CCDC30: variants seen among roughly 807,000 people sequenced by gnomAD.
CCDC30 encodes coiled-coil domain containing 30.
A neutral mutation model predicts 100.2 loss-of-function variants in CCDC30; 70 were observed. That is an observed-to-expected ratio of 0.70 (90% CI 0.58 to 0.85). CCDC30 has a LOEUF of 0.85. Ranked by LOEUF, CCDC30 falls within the 40% of genes least tolerant of loss-of-function variation. The pLI is 0.00. For synonymous variants in CCDC30, 233 were observed against 269.5 expected (o/e 0.86, Z 1.33); for missense variants, 652 against 771.2 (o/e 0.85, Z 1.83).
At chr1:42,566,501 T>A in intron 7 of CCDC30, 26 bp downstream of exon 11, 1 of 1,593,916 alleles carries the variant, frequency 6.3e-7, no homozygotes, top group Admixed American at 1.7e-5. Flanking sequence ...AAATGCTTTA[T>A]GGAAGGGTTT....
chr1:42,592,574 G>A (rs920908087), intron 10 of CCDC30: 2 of 152,112 alleles, frequency 1.3e-5, no homozygotes, highest in African/African-American at 4.8e-5. Context: ...TTAATTGGAT[G>A]TGTTGGCATA....
chr1:42,456,653 C>T, the CCDC30 span: 9 of 1,596,074 alleles, frequency 5.6e-6, no homozygotes, highest in Non-Finnish European at 7.7e-6. Flanking sequence ...CGCGGCCAGG[C>T]TGGGCGCGCA....
At chr1:42,492,391 G>A in intron 4 of CCDC30, 1 of 198,082 alleles carries the variant, frequency 5.0e-6, no homozygotes. Flanking sequence ...AGTTTGATTT[G>A]GGAAAATTCA....
intron 10 of CCDC30, among the ~76,000 whole-genome samples, chr1:42,608,623 T>C (rs1187118348): frequency 2.1e-5 from 3 of 145,010 alleles, no homozygotes; most frequent in Non-Finnish European, 3.0e-5. Context: ...GAGAATGGCG[T>C]GAACCCGGGA....
chr1:42,624,626 TA>T (rs1646899213), intron 11 of CCDC30, among the ~76,000 whole-genome samples: 1 of 152,156 alleles, frequency 6.6e-6, no homozygotes, highest in Non-Finnish European at 1.5e-5. Flanking sequence ...ACCACAGGCA[TA>T]CCCCATGATG....
exon 7 of CCDC30, chr1:42,566,463 A>G (rs1181024353): frequency 1.2e-6 from 2 of 1,613,472 alleles, no homozygotes; most frequent in Non-Finnish European, 1.7e-6. Context: ...TACTTCAGGA[A>G]GAAAACATTA....
chr1:42,547,963 CA>C (rs1645178163), intron 6 of CCDC30, among the ~76,000 whole-genome samples: 6 of 152,106 alleles, frequency 3.9e-5, no homozygotes, highest in Admixed American at 3.3e-4. Flanking sequence ...GCTAATGAAT[CA>C]AAAAATATTC....
chr1:42,644,820 C>A lies in CCDC30; in HGVS notation c.1671+13C>A. On this transcript the variant is annotated intron_variant, in intron 14 of 16. Transcript: ENST00000668663. The stretch of plus-strand genomic sequence containing the variant: ...TCGCAGAGGAGAGGTAAGATGTGTG[C>A]TTCCTATTGGGCCTGCCTTTAATGT... 6.6e-7 allele frequency: 1 copy of A among 1,518,782 alleles called. No individual in the cohort carries two copies. The highest frequency in any genetic ancestry group is 9.1e-7 in the Non-Finnish European group (1 of 1,093,090). 94.1% of individuals were successfully genotyped at this position (1,518,782 alleles called of 1,614,324 possible).
chr1:42,519,796 G>A (rs906765693), intron 6 of CCDC30, among the ~76,000 whole-genome samples: 5 of 151,322 alleles, frequency 3.3e-5, no homozygotes, highest in African/African-American at 1.2e-4. Flanking sequence ...CTTGTGATTC[G>A]CCCACCTCAG....
At chr1:42,599,510 A>T (rs1359069911) in intron 10 of CCDC30, among the ~76,000 whole-genome samples, 1 of 152,218 alleles carries the variant, frequency 6.6e-6, no homozygotes, top group African/African-American at 2.4e-5. Flanking sequence ...GCAACAAAGA[A>T]CAACTAATAG....
At chr1:42,654,866 C>A (rs529594246), downstream of CCDC30, among the ~76,000 whole-genome samples, 83 of 151,674 alleles carry the variant, frequency 5.5e-4, no homozygotes, top group African/African-American at 1.9e-3. Context: ...GTGCCCGCCA[C>A]CATGCCCAGC....
Position 42,539,225 on chromosome 1 carries a change from A to G in CCDC30, c.457-27071A>G, listed in dbSNP as rs371864710. 1.9e-6 allele frequency: 3 copies of G among 1,609,780 alleles called. No homozygotes were observed. Among genetic ancestry groups the G allele is most frequent in the Admixed American group, 3.4e-5 (2 of 59,438 alleles). ...ATATGCCTTTATAATGAAGTTCACA[A>G]TCTTCCAGGGGAATCAGAAAGCAAA... On this transcript the variant is annotated intron_variant, in intron 6 of 16. Transcript: ENST00000668663.
exon 12 of CCDC30, chr1:42,637,342 A>G (rs1172597861): frequency 3.1e-6 from 5 of 1,599,330 alleles, no homozygotes; most frequent in Middle Eastern, 3.3e-4. Context: ...ACCAATTTGA[A>G]GATGAAATTG....
At chr1:42,605,429 T>C (rs2148631559) in intron 10 of CCDC30, among the ~76,000 whole-genome samples, 1 of 152,310 alleles carries the variant, frequency 6.6e-6, no homozygotes, top group East Asian at 1.9e-4. Context: ...TAATATCATT[T>C]AATATAAGTC....
At chr1:42,493,523 G>A (rs1426212088) in intron 4 of CCDC30, among the ~76,000 whole-genome samples, 7 of 152,092 alleles carry the variant, frequency 4.6e-5, no homozygotes, top group Non-Finnish European at 8.8e-5. Flanking sequence ...GGAGGCAGAG[G>A]TTGCAGTGAC....
intron 6 of CCDC30, among the ~76,000 whole-genome samples, chr1:42,561,453 T>C (rs551122054): frequency 2.3e-4 from 35 of 152,284 alleles, no homozygotes; most frequent in African/African-American, 7.7e-4. Flanking sequence ...ATGGAACATA[T>C]CTCAAAATAA....
chr1:42,456,603 C>G, the CCDC30 span: 2 of 1,517,852 alleles, frequency 1.3e-6, no homozygotes, highest in South Asian at 1.3e-5. Context: ...TTCCCCCAGC[C>G]TCCCGGTGCT....
chr1:42,487,316 A>G (rs1644068612), intron 3 of CCDC30, among the ~76,000 whole-genome samples: 1 of 152,098 alleles, frequency 6.6e-6, no homozygotes, highest in Admixed American at 6.6e-5. Context: ...AGGTATGTAA[A>G]CTGTACCTCA....
chr1:42,521,522 G>T (rs1337473148), intron 6 of CCDC30, among the ~76,000 whole-genome samples: 4 of 152,158 alleles, frequency 2.6e-5, no homozygotes, highest in African/African-American at 9.7e-5. Flanking sequence ...AGAAGAATGT[G>T]TAAGCTATTG....
Sources: gnomAD v4.1 joint callset for allele counts (sites outside exome capture counted in the v4.1 genomes callset) on GRCh38, gnomAD v4.1.1 for gene constraint, MANE v1.5 for transcripts, NCBI Gene and HGNC (gene_info 2026-07-23, HGNC 2026-07-21) for gene names.